Variants in GRM3 observed in about 807,000 individuals in gnomAD.
The protein encoded by GRM3 is glutamate metabotropic receptor 3.
GRM3 carries 26 observed loss-of-function variants against 70.5 expected under a neutral mutation model. That is an observed-to-expected ratio of 0.37 (90% CI 0.27 to 0.51). GRM3 has a LOEUF of 0.51. Among genes scored for constraint, GRM3 ranks in the 20% least tolerant of loss-of-function variants. The probability of loss-of-function intolerance (pLI) is 0.93; values close to 1 mark genes in which losing one functional copy is unlikely to be tolerated. For missense variants in GRM3, 859 were observed against 1,123.8 expected (o/e 0.76, Z 3.37); for synonymous variants, 443 against 434.9 (o/e 1.02, Z -0.23).
chr7:86,688,933 G>C (rs537134436), intron 1 of GRM3, among the ~76,000 whole-genome samples: 1 of 147,982 alleles, frequency 6.8e-6, no homozygotes, highest in African/African-American at 2.5e-5. Flanking sequence ...TTCTTTCCAA[G>C]GCTCTGGTGT....
chr7:86,653,151 C>T (rs899680690), intron 1 of GRM3, among the ~76,000 whole-genome samples: 2 of 152,232 alleles, frequency 1.3e-5, no homozygotes, highest in African/African-American at 2.4e-5. Context: ...CTCTGTGCTC[C>T]CATAGCTGGG....
intron 5 of GRM3, among the ~76,000 whole-genome samples, chr7:86,863,682 C>A (rs1263398844): frequency 6.6e-6 from 1 of 152,132 alleles, no homozygotes; most frequent in Non-Finnish European, 1.5e-5. Flanking sequence ...CTATATAAGG[C>A]TCATCCCTGT....
chr7:86,721,140 C>G (rs2116227417), intron 1 of GRM3, among the ~76,000 whole-genome samples: 1 of 152,180 alleles, frequency 6.6e-6, no homozygotes, highest in East Asian at 1.9e-4. Context: ...GTGATAGAGA[C>G]AGCTGTCCTC....
chr7:86,660,206 A>C (rs1389211632), intron 1 of GRM3, among the ~76,000 whole-genome samples: 1 of 152,060 alleles, frequency 6.6e-6, no homozygotes, highest in Non-Finnish European at 1.5e-5. Context: ...CTTGAAACTG[A>C]CCTTAAATCC....
At chr7:86,859,548 C>A (rs1248365892) in intron 5 of GRM3, among the ~76,000 whole-genome samples, 1 of 151,976 alleles carries the variant, frequency 6.6e-6, no homozygotes, top group Non-Finnish European at 1.5e-5. Flanking sequence ...TCTAAACAAA[C>A]AGACTTCCTG....
In GRM3 at chr7:86,786,122, A is replaced by G; in HGVS notation, c.469-139A>G. 1 of 742,136 alleles carries G rather than the reference A, an allele frequency of 1.3e-6. No homozygotes were observed. Among genetic ancestry groups the G allele is most frequent in the South Asian group, 1.7e-5 (1 of 58,564 alleles). 46.0% of individuals were successfully genotyped at this position (742,136 alleles called of 1,614,324 possible). ...CAAGGAAGCATCTGGTATTCATCTCAAGAACTAACAGAAAAATGTAGCCAT... is the reference window on the plus strand; with the variant it reads ...CAAGGAAGCATCTGGTATTCATCTCGAGAACTAACAGAAAAATGTAGCCAT... On this transcript the variant is annotated intron_variant, in intron 2 of 5. Coordinates refer to ENST00000361669, the MANE Select transcript of GRM3 (RefSeq NM_000840.3). The surrounding 1 kb of genome is among the most constrained non-coding windows in gnomAD (Gnocchi z 6.0).
chr7:86,708,884 G>A (rs1336998393), intron 1 of GRM3, among the ~76,000 whole-genome samples: 2 of 151,876 alleles, frequency 1.3e-5, no homozygotes, highest in Non-Finnish European at 2.9e-5. Flanking sequence ...ATATAAGCAA[G>A]GTGTAGGAGA....
intron 1 of GRM3, among the ~76,000 whole-genome samples, chr7:86,654,190 G>A (rs935352163): frequency 2.6e-5 from 4 of 152,166 alleles, no homozygotes; most frequent in Admixed American, 2.0e-4. Flanking sequence ...GCAGCAGGGA[G>A]GGGGAGGCTC....
At chr7:86,650,101 G>A (rs1164633749) in intron 1 of GRM3, among the ~76,000 whole-genome samples, 2 of 152,198 alleles carry the variant, frequency 1.3e-5, no homozygotes, top group South Asian at 4.1e-4. Context: ...CTAATAATAA[G>A]TCAAAATAAT....
chr7:86,776,392 T>C (rs1024767355), intron 2 of GRM3, among the ~76,000 whole-genome samples: 17 of 152,278 alleles, frequency 1.1e-4, no homozygotes, highest in African/African-American at 4.1e-4. Flanking sequence ...TTGCTTCTTT[T>C]GTGTCTGACA....
At chr7:86,768,091 A>G (rs1342041011) in intron 2 of GRM3, among the ~76,000 whole-genome samples, 2 of 150,898 alleles carry the variant, frequency 1.3e-5, no homozygotes, top group African/African-American at 4.9e-5. Flanking sequence ...TTTTGGCAAC[A>G]GAAAGACCTG....
intron 1 of GRM3, among the ~76,000 whole-genome samples, chr7:86,716,500 T>C (rs1181396333): frequency 6.6e-6 from 1 of 151,884 alleles, no homozygotes; most frequent in Non-Finnish European, 1.5e-5. Flanking sequence ...CAGGTTTTCC[T>C]GACTCTAGAG....
At chr7:86,655,429 A>T (rs943792461) in intron 1 of GRM3, among the ~76,000 whole-genome samples, 1 of 152,208 alleles carries the variant, frequency 6.6e-6, no homozygotes, top group Non-Finnish European at 1.5e-5. Flanking sequence ...GAATAAAATA[A>T]AAAAGCAAAT....
At chr7:86,715,435 G>T (rs554222276) in intron 1 of GRM3, among the ~76,000 whole-genome samples, 7 of 152,008 alleles carry the variant, frequency 4.6e-5, no homozygotes, top group Middle Eastern at 3.4e-3. Context: ...GATATTTATT[G>T]TGAGAACTAA....
intron 1 of GRM3, among the ~76,000 whole-genome samples, chr7:86,758,351 A>G (rs1419324440): frequency 6.6e-6 from 1 of 152,102 alleles, no homozygotes; most frequent in African/African-American, 2.4e-5. Flanking sequence ...CAGTTTCTAC[A>G]CTCGGTTTAT....
intron 3 of GRM3, among the ~76,000 whole-genome samples, chr7:86,834,536 A>ATCTCTC (rs1293191953): frequency 6.7e-6 from 1 of 150,076 alleles, no homozygotes; most frequent in Non-Finnish European, 1.5e-5. Context: ...TCTTGAGCAT[A>ATCTCTC]TTGTTTTGAA....
chr7:86,773,520 A>T (rs1331507323), intron 2 of GRM3, among the ~76,000 whole-genome samples: 2 of 151,924 alleles, frequency 1.3e-5, no homozygotes, highest in Non-Finnish European at 2.9e-5. Context: ...TCCCACACCA[A>T]CCACCCCCTC....
chr7:86,746,139 T>G (rs1016482878), intron 1 of GRM3, among the ~76,000 whole-genome samples: 1 of 151,772 alleles, frequency 6.6e-6, no homozygotes, highest in Non-Finnish European at 1.5e-5. Flanking sequence ...AGTATTAACT[T>G]CCTAAGTAGA....
chr7:86,645,116 C>T (rs1793425930), intron 1 of GRM3: 1 of 342,472 alleles, frequency 2.9e-6, no homozygotes, highest in Non-Finnish European at 5.8e-6. Context: ...CATAGATCTG[C>T]GGCCAGGGTG....
Sources: allele counts gnomAD v4.1 joint callset (sites outside exome capture counted in the v4.1 genomes callset), GRCh38; gene constraint gnomAD v4.1.1; non-coding constraint Gnocchi (gnomAD v3.1); transcripts MANE v1.5; gene names NCBI Gene and HGNC (gene_info 2026-07-23, HGNC 2026-07-21).